Variants in MAK observed in about 807,000 individuals in gnomAD.
MAK encodes the protein male germ cell associated kinase, also known as serine/threonine-protein kinase MAK.
In MAK, 65 loss-of-function variants were observed where a neutral mutation model predicts 82.6. That is an observed-to-expected ratio of 0.79 (90% CI 0.64 to 0.97). MAK has a LOEUF of 0.97. MAK is among the 50% of genes least tolerant of loss of function. The probability of loss-of-function intolerance (pLI) is 0.00; values close to 1 mark genes in which losing one functional copy is unlikely to be tolerated. For missense variants in MAK, 703 were observed against 780.2 expected (o/e 0.90, Z 1.18); for synonymous variants, 250 against 274.2 (o/e 0.91, Z 0.87).
At chr6:10,799,426 T>C (rs1198329168) in intron 8 of MAK, among the ~76,000 whole-genome samples, 1 of 152,186 alleles carries the variant, frequency 6.6e-6, no homozygotes, top group Non-Finnish European at 1.5e-5. Context: ...ACTTATTATG[T>C]CTTTATTATG....
intron 7 of MAK, 91 bp from the exon 8 acceptor site, chr6:10,802,150 C>A (rs1356165090): frequency 5.3e-6 from 5 of 947,012 alleles, no homozygotes; most frequent in South Asian, 3.0e-5. Flanking sequence ...ATATAAACAT[C>A]ATTTATGTTT....
rs199949446 is a variant in MAK, at chr6:10,801,937, G to A, written c.786C>T (p.Thr262=). The A allele has an allele frequency of 9.9e-6, 16 of 1,614,004 alleles. No homozygotes were observed. Among genetic ancestry groups the A allele is most frequent in the East Asian group, 4.5e-5 (2 of 44,872 alleles). The change falls in exon 8 of 15, where the codon ACC becomes ACT. Residue 262 remains threonine, a synonymous_variant. Coordinates refer to ENST00000354489, the MANE Select transcript of MAK (RefSeq NM_001242957.3). The part of the protein sequence containing the change: ...NASNEAIQLM[T]EMLNWDPKKR... ...TCTTTGGATCCCAATTCAACATTTC[G>A]GTCATGAGCTGAATAGCTTCATTAC...
intron 7 of MAK, among the ~76,000 whole-genome samples, 157 bp downstream of exon 7, chr6:10,803,563 A>G (rs1776176565): frequency 6.6e-6 from 1 of 150,942 alleles, no homozygotes; most frequent in Non-Finnish European, 1.5e-5. Flanking sequence ...AAAAAGAATT[A>G]TAAGAAAATT....
chr6:10,835,866 C>G (rs1779115612), intron 1 of MAK, among the ~76,000 whole-genome samples: 1 of 152,198 alleles, frequency 6.6e-6, no homozygotes, highest in East Asian at 1.9e-4. Context: ...ACACCTCTCT[C>G]TTCCACTATT....
At chr6:10,803,583 A>C in intron 7 of MAK, 137 bp downstream of exon 7, 1 of 693,934 alleles carries the variant, frequency 1.4e-6, no homozygotes, top group African/African-American at 1.8e-5. Context: ...TAATCATTAA[A>C]GTATGAGCCT....
intron 10 of MAK, among the ~76,000 whole-genome samples, chr6:10,791,202 C>CAGTAA (rs1438223131): frequency 1.3e-5 from 2 of 152,134 alleles, no homozygotes; most frequent in African/African-American, 4.8e-5. Context: ...AAGATTCTTA[C>CAGTAA]CTTTTCAGAA....
intron 2 of MAK, among the ~76,000 whole-genome samples, chr6:10,828,222 T>A (rs1305545542): frequency 6.6e-6 from 1 of 152,218 alleles, no homozygotes; most frequent in Non-Finnish European, 1.5e-5. Flanking sequence ...GTATTTAAAT[T>A]TTAGTTTGTC....
intron 11 of MAK, among the ~76,000 whole-genome samples, chr6:10,780,446 T>G (rs2127525981): frequency 7.1e-6 from 1 of 140,272 alleles, no homozygotes; most frequent in African/African-American, 2.6e-5. Flanking sequence ...GTCAGTGAAA[T>G]GTACTGGTTT....
At chr6:10,772,889 T>C (rs1159117598) in intron 13 of MAK, 145 bp downstream of exon 13, 9 of 524,684 alleles carry the variant, frequency 1.7e-5, no homozygotes, top group Non-Finnish European at 3.1e-5. Flanking sequence ...TGAGACAGAA[T>C]GCTTTTCTTT....
rs1213165333 is a variant in MAK, at chr6:10,764,652, A to G, written c.1793-46T>C. ...AAAACAGGGTTTTACTCATTTGCTTATCAAACTCAAAATAAAGAAATTCAT... is the reference window on the plus strand; with the variant it reads ...AAAACAGGGTTTTACTCATTTGCTTGTCAAACTCAAAATAAAGAAATTCAT... On this transcript the variant is annotated intron_variant, in intron 14 of 14. Transcript: ENST00000354489. The G allele has an allele frequency of 1.9e-6, 3 of 1,546,090 alleles. No homozygotes were observed. In the African/African-American group the frequency reaches 4.1e-5, roughly 21 times the overall value.
rs763018137 is a variant in MAK, at chr6:10,796,057, G to C, written c.1084C>G (p.Gln362Glu). ...GTTTGTGGCGGTTTCTCCTGACTCTGTTGCTTTGGAGGTTGCTGGACGCTC... is the reference window on the plus strand; with the variant it reads ...GTTTGTGGCGGTTTCTCCTGACTCTCTTGCTTTGGAGGTTGCTGGACGCTC... ...NLSVQQPPKQQSQEKPPQTLF... is the reference protein window; with the variant it reads ...NLSVQQPPKQESQEKPPQTLF... Residue 362 changes from glutamine (Q) to glutamate (E), a missense_variant, in exon 9 of 15, where the codon CAG (glutamine) becomes GAG (glutamate). By Grantham distance (29) the Gln-to-Glu change is conservative. Coordinates refer to ENST00000354489, the MANE Select transcript of MAK (RefSeq NM_001242957.3). The C allele has an allele frequency of 1.9e-6, 3 of 1,613,952 alleles. No individual in the cohort carries two copies. Among genetic ancestry groups the C allele is most frequent in the Non-Finnish European group, 2.5e-6 (3 of 1,179,932 alleles).
chr6:10,782,210 A>T (rs9461185), intron 11 of MAK, among the ~76,000 whole-genome samples: 53 of 4,982 alleles, frequency 0.011, no homozygotes, highest in Middle Eastern at 0.1. Flanking sequence ...TGTCACACAC[A>T]CACACACACA....
intron 13 of MAK, among the ~76,000 whole-genome samples, chr6:10,771,008 G>C (rs990661016): frequency 1.3e-5 from 2 of 151,830 alleles, no homozygotes; most frequent in African/African-American, 4.8e-5. Context: ...CAGGTGACTG[G>C]GGGGTGCGTT....
intron 2 of MAK, among the ~76,000 whole-genome samples, chr6:10,821,000 G>A (rs1003010725): frequency 1.3e-5 from 2 of 151,978 alleles, no homozygotes; most frequent in Non-Finnish European, 2.9e-5. Context: ...CCAGACTGGA[G>A]TGCAGTGGCC....
chr6:10,780,378 G>A (rs1244920148), intron 11 of MAK: 2 of 244,818 alleles, frequency 8.2e-6, no homozygotes, highest in Non-Finnish European at 1.3e-5. Context: ...AAAGTTTGCA[G>A]TAGTGTTTCC....
intron 11 of MAK, among the ~76,000 whole-genome samples, chr6:10,782,014 T>C (rs910360490): frequency 3.9e-5 from 6 of 152,046 alleles, no homozygotes; most frequent in African/African-American, 1.2e-4. Context: ...AAGACCAACC[T>C]GGCCAACATG....
At chr6:10,827,119 CAAAACAAATACCATATTTTTGAAGGAT>C (rs1227549586) in intron 2 of MAK, among the ~76,000 whole-genome samples, 11 of 151,996 alleles carry the variant, frequency 7.2e-5, no homozygotes, top group African/African-American at 2.4e-4. Flanking sequence ...CAAAACAAAA[CAAAACAAATACCATATTTTTGAAGGAT>C]AAAACAAATA....
intron 6 of MAK, among the ~76,000 whole-genome samples, chr6:10,807,146 T>C (rs1776533987): frequency 6.6e-6 from 1 of 151,884 alleles, no homozygotes; most frequent in Non-Finnish European, 1.5e-5. Context: ...ACGTGTGGCG[T>C]GCACCTGTCT....
chr6:10,795,131 A>T (rs892948120), intron 9 of MAK, among the ~76,000 whole-genome samples: 1 of 152,236 alleles, frequency 6.6e-6, no homozygotes, highest in Non-Finnish European at 1.5e-5. Context: ...GATTCTTTTA[A>T]ATTCTTTCTT....
Sources: gnomAD v4.1 joint callset for allele counts (sites outside exome capture counted in the v4.1 genomes callset) on GRCh38, gnomAD v4.1.1 for gene constraint, MANE v1.5 for transcripts, NCBI Gene and HGNC (gene_info 2026-07-23, HGNC 2026-07-21) for gene names.